The following EFL1 variants were observed in gnomAD, a reference collection of about 807,000 sequenced individuals.
The protein encoded by EFL1 is elongation factor like GTPase 1, also known as elongation factor-like GTPase 1.
Under a neutral mutation model 126.7 loss-of-function variants are expected in EFL1, and 76 were observed. That is an observed-to-expected ratio of 0.60 (90% CI 0.50 to 0.73). The LOEUF is 0.73. EFL1 is among the 30% of genes least tolerant of loss of function. The probability of loss-of-function intolerance (pLI) is 0.00; values close to 1 mark genes in which losing one functional copy is unlikely to be tolerated. For missense variants in EFL1, 1,128 were observed against 1,343.2 expected (o/e 0.84, Z 2.50); for synonymous variants, 410 against 448.4 (o/e 0.91, Z 1.08).
chr15:82,188,012 A>G (rs1364244378), intron 15 of EFL1, among the ~76,000 whole-genome samples: 3 of 152,156 alleles, frequency 2.0e-5, no homozygotes, highest in Admixed American at 6.5e-5. Flanking sequence ...ATAAAGACTT[A>G]TGACCATTAT....
Position 82,262,615 on chromosome 15 carries a change from G to C in EFL1, c.-21C>G. 1 of 406,718 alleles carries C rather than the reference G, an allele frequency of 2.5e-6. No individual in the cohort carries two copies. The highest frequency in any genetic ancestry group is 4.4e-6 in the Non-Finnish European group (1 of 227,698). The allele number at this position is 406,718 out of a possible 1,614,324, so 25.2% of individuals were successfully genotyped here. Reference sequence around the variant, plus strand: ...CCCCCAGCGCCAGCCCACACTCACCGGCTGCAGCAGCCCCACCAGCCCCGC... The same window carrying C: ...CCCCCAGCGCCAGCCCACACTCACCCGCTGCAGCAGCCCCACCAGCCCCGC... On this transcript the variant is annotated splice_region_variant and 5_prime_UTR_variant, in exon 1 of 20. Coordinates refer to ENST00000268206, the MANE Select transcript of EFL1 (RefSeq NM_024580.6).
At chr15:82,155,222 C>T (rs1028947794) in intron 17 of EFL1, among the ~76,000 whole-genome samples, 4 of 152,068 alleles carry the variant, frequency 2.6e-5, no homozygotes, top group African/African-American at 9.7e-5. Context: ...TGCCATGAGG[C>T]CAGGTATGGT....
At chr15:82,191,921 G>A (rs1463432636) in intron 15 of EFL1, among the ~76,000 whole-genome samples, 2 of 152,112 alleles carry the variant, frequency 1.3e-5, no homozygotes, top group East Asian at 1.9e-4. Flanking sequence ...TGGAATACAA[G>A]CTAGAAGAAA....
intron 17 of EFL1, among the ~76,000 whole-genome samples, chr15:82,155,600 T>C (rs915719560): frequency 6.6e-6 from 1 of 152,098 alleles, no homozygotes; most frequent in African/African-American, 2.4e-5. Flanking sequence ...CAAATGGGAG[T>C]AGATTTGCCA....
At chr15:82,252,481 T>C (rs1389008640) in intron 4 of EFL1, among the ~76,000 whole-genome samples, 1 of 152,198 alleles carries the variant, frequency 6.6e-6, no homozygotes, top group Non-Finnish European at 1.5e-5. Context: ...CAGGTGTGAA[T>C]TGCCAGTTCT....
rs564749342 is a variant in EFL1 at position 82,244,640 on chromosome 15, G to C, written c.245-3237C>G. Among the ~76,000 whole-genome samples the C allele has an allele frequency of 3.3e-5, 5 of 152,242 alleles. No individual in the cohort carries two copies. The East Asian group carries it at 7.7e-4, about 23-fold the overall frequency. On this transcript the variant is annotated intron_variant, in intron 4 of 19. Transcript: ENST00000268206. ...GGCTGAAAAAAAAGTTGGAAGAACT[G>C]AAGTTAATTATGGGAGATATCTTCC...
chr15:82,259,354 T>C (rs952065209), intron 2 of EFL1, among the ~76,000 whole-genome samples, 199 bp from the exon 3 acceptor site: 29 of 152,226 alleles, frequency 1.9e-4, no homozygotes, highest in African/African-American at 6.8e-4. Context: ...CACTCTATAA[T>C]GCTGTAATCT....
intron 18 of EFL1, among the ~76,000 whole-genome samples, chr15:82,146,949 T>A (rs2141222762): frequency 6.6e-6 from 1 of 152,054 alleles, no homozygotes; most frequent in Non-Finnish European, 1.5e-5. Flanking sequence ...AAGTGGGGAG[T>A]GCCAGGATAA....
intron 15 of EFL1, among the ~76,000 whole-genome samples, chr15:82,171,578 T>A (rs1487792637): frequency 1.3e-5 from 2 of 152,204 alleles, no homozygotes; most frequent in Non-Finnish European, 2.9e-5. Context: ...AAGGCCTAAA[T>A]GTGAAACATA....
chr15:82,180,359 C>CAAAAAAAAAAAAAA lies in EFL1; in HGVS notation c.1751-16376_1751-16375insTTTTTTTTTTTTTT, dbSNP rs71156028. Among the ~76,000 whole-genome samples, 7 of 120,614 alleles carry CAAAAAAAAAAAAAA rather than the reference C, an allele frequency of 5.8e-5. No individual in the cohort carries two copies. In the East Asian group the frequency reaches 7.3e-4, roughly 13 times the overall value. 79.1% of individuals were successfully genotyped at this position (120,614 alleles called of 152,430 possible). ...GAAGCAGTAACTGCGATTAAACTGG[C>CAAAAAAAAAAAAAA]AAAAAAAAAAAAACAAAAAAAAAAC... On this transcript the variant is annotated intron_variant, in intron 15 of 19. Transcript: ENST00000268206.
chr15:82,232,669 T>G (rs2074834300), intron 7 of EFL1, among the ~76,000 whole-genome samples: 2 of 152,254 alleles, frequency 1.3e-5, no homozygotes, highest in South Asian at 4.1e-4. Context: ...ACCTCTCTTT[T>G]CATTCACATT....
intron 3 of EFL1, among the ~76,000 whole-genome samples, chr15:82,255,712 A>G (rs1380354861): frequency 6.6e-6 from 1 of 152,174 alleles, no homozygotes; most frequent in African/African-American, 2.4e-5. Context: ...AGGGATAACC[A>G]GTTGCCCAAG....
intron 16 of EFL1, 54 bp downstream of exon 16, chr15:82,163,799 C>A: frequency 6.3e-7 from 1 of 1,585,450 alleles, no homozygotes; most frequent in African/African-American, 1.4e-5. Flanking sequence ...TAAATACATG[C>A]ATATGCTTTA....
intron 7 of EFL1, among the ~76,000 whole-genome samples, chr15:82,231,372 G>C (rs1288626219): frequency 6.6e-6 from 1 of 152,082 alleles, no homozygotes; most frequent in Non-Finnish European, 1.5e-5. Context: ...GCTCACAAAT[G>C]AAAGAAATTC....
At chr15:82,182,952 C>T (rs529997768) in intron 15 of EFL1, among the ~76,000 whole-genome samples, 32 of 152,278 alleles carry the variant, frequency 2.1e-4, no homozygotes, top group African/African-American at 6.7e-4. Flanking sequence ...AGGCATCCAA[C>T]CTTATGCCAG....
chr15:82,148,549 A>G (rs2073873827), intron 18 of EFL1, among the ~76,000 whole-genome samples: 2 of 152,186 alleles, frequency 1.3e-5, no homozygotes, highest in African/African-American at 2.4e-5. Flanking sequence ...CGCAATACCT[A>G]TGTTACCTAT....
chr15:82,157,174 T>A (rs1380508316), intron 17 of EFL1, among the ~76,000 whole-genome samples: 1 of 152,220 alleles, frequency 6.6e-6, no homozygotes, highest in Non-Finnish European at 1.5e-5. Context: ...TTCTGCATGA[T>A]AACTGAATGA....
chr15:82,141,589 A>G (rs2073787525), intron 18 of EFL1, among the ~76,000 whole-genome samples: 1 of 149,810 alleles, frequency 6.7e-6, no homozygotes, highest in Admixed American at 6.7e-5. Flanking sequence ...AATCGCTTGG[A>G]GGAGAACTTG....
chr15:82,152,435 T>C lies in EFL1; in HGVS notation c.2031-12A>G. 6.3e-7 allele frequency: 1 copy of C among 1,582,492 alleles called. No homozygotes were observed. The highest frequency in any genetic ancestry group is 8.6e-7 in the Non-Finnish European group (1 of 1,166,856). On this transcript the variant is annotated splice_polypyrimidine_tract_variant and intron_variant, in intron 17 of 19. Transcript: ENST00000268206. ...GAATCTTTGCAAACCTACAGACAAATTCAAGAGAAATAACAGAAGGTTAAA... is the reference window on the plus strand; with the variant it reads ...GAATCTTTGCAAACCTACAGACAAACTCAAGAGAAATAACAGAAGGTTAAA...
Sources: gnomAD v4.1 joint callset for allele counts (sites outside exome capture counted in the v4.1 genomes callset) on GRCh38, gnomAD v4.1.1 for gene constraint, MANE v1.5 for transcripts, NCBI Gene and HGNC (gene_info 2026-07-23, HGNC 2026-07-21) for gene names.